ROBO2: variants seen among roughly 807,000 people sequenced by gnomAD.
ROBO2 encodes roundabout guidance receptor 2.
A neutral mutation model predicts 160.8 loss-of-function variants in ROBO2; 53 were observed. The observed-to-expected ratio is 0.33, with a 90% CI of 0.26 to 0.41. ROBO2 has a LOEUF of 0.41. Ranked by LOEUF, ROBO2 falls within the 10% of genes least tolerant of loss-of-function variation. The pLI is 1.00. For synonymous variants in ROBO2, 664 were observed against 611.7 expected, an observed-to-expected ratio of 1.09 and a Z score of -1.26; for missense variants, 1,577 against 1,722.4, an observed-to-expected ratio of 0.92 and a Z score of 1.49.
chr3:76,611,877 C>CT (rs1160089009), intron 2 of ROBO2, among the ~76,000 whole-genome samples: 2 of 152,068 alleles, frequency 1.3e-5, no homozygotes, highest in Admixed American at 1.3e-4. Context: ...AGTTTATCCA[C>CT]TTTTTTTGAG....
intron 2 of ROBO2, among the ~76,000 whole-genome samples, chr3:76,867,687 T>A (rs1166970): frequency 0.25 from 38,108 of 152,152 alleles, 5,955 homozygotes; most frequent in Non-Finnish European, 0.35. Flanking sequence ...TAGAAAGATT[T>A]TCTAAAAATA....
chr3:77,374,333 AAAT>A (rs562797945), intron 2 of ROBO2, among the ~76,000 whole-genome samples: 43 of 152,234 alleles, frequency 2.8e-4, no homozygotes, highest in African/African-American at 9.1e-4. Context: ...GTCAAGAATG[AAAT>A]AATAAGTTGA....
At chr3:77,562,332 G>T (rs1030576651) in intron 9 of ROBO2, among the ~76,000 whole-genome samples, 1 of 151,990 alleles carries the variant, frequency 6.6e-6, no homozygotes, top group Non-Finnish European at 1.5e-5. Flanking sequence ...ATATAGTAGA[G>T]CCCTGCCATA....
chr3:76,407,678 C>G (rs1390184551), intron 2 of ROBO2, among the ~76,000 whole-genome samples: 1 of 151,928 alleles, frequency 6.6e-6, no homozygotes, highest in Non-Finnish European at 1.5e-5. Context: ...GGGTAATAAT[C>G]TTTGTTATCT....
At chr3:75,923,226 G>C (rs1947143607) in intron 1 of ROBO2, among the ~76,000 whole-genome samples, 1 of 152,120 alleles carries the variant, frequency 6.6e-6, no homozygotes. Context: ...TTGTTTAAGT[G>C]TGAAAAGTAT....
intron 2 of ROBO2, among the ~76,000 whole-genome samples, chr3:77,380,458 A>C (rs2073290404): frequency 6.6e-6 from 1 of 152,208 alleles, no homozygotes; most frequent in Non-Finnish European, 1.5e-5. Flanking sequence ...CGTCATGTTA[A>C]AACATTTTTG....
At chr3:77,117,848 T>C (rs572357149) in intron 2 of ROBO2, among the ~76,000 whole-genome samples, 188 of 152,302 alleles carry the variant, frequency 1.2e-3, no homozygotes, top group Middle Eastern at 6.8e-3. Context: ...TGTGCTGTCA[T>C]AAAAATATTT....
intron 2 of ROBO2, among the ~76,000 whole-genome samples, chr3:76,753,141 T>C (rs568926494): frequency 2.6e-5 from 4 of 151,906 alleles, no homozygotes; most frequent in African/African-American, 9.7e-5. Context: ...AACACTGTGC[T>C]GAAGTTAGGT....
intron 2 of ROBO2, among the ~76,000 whole-genome samples, chr3:75,945,566 A>G (rs1042796799): frequency 6.6e-6 from 1 of 150,570 alleles, no homozygotes; most frequent in African/African-American, 2.5e-5. Context: ...TGAAGACTCA[A>G]TAATTTTGCT....
chr3:76,321,387 C>A (rs1389438486), intron 2 of ROBO2, among the ~76,000 whole-genome samples: 1 of 151,982 alleles, frequency 6.6e-6, no homozygotes, highest in African/African-American at 2.4e-5. Flanking sequence ...TGGTGGCGCG[C>A]CACTGCTCAG....
chr3:77,468,552 C>A (rs1456664299), intron 2 of ROBO2, among the ~76,000 whole-genome samples: 1 of 152,122 alleles, frequency 6.6e-6, no homozygotes. Context: ...AGCAGGACTT[C>A]AAATTATATT....
At chr3:76,783,514 CTT>C (rs71717480) in intron 2 of ROBO2, among the ~76,000 whole-genome samples, 4 of 139,832 alleles carry the variant, frequency 2.9e-5, no homozygotes, top group African/African-American at 5.2e-5. Context: ...TAGTTTCTTT[CTT>C]TTTTTTTTTT....
intron 2 of ROBO2, among the ~76,000 whole-genome samples, chr3:76,233,185 C>A (rs1474507628): frequency 6.6e-6 from 1 of 151,848 alleles, no homozygotes; most frequent in African/African-American, 2.4e-5. Context: ...ACTCTTGTCT[C>A]CCCGGATAGA....
At chr3:76,214,255 C>G (rs1421642796) in intron 2 of ROBO2, among the ~76,000 whole-genome samples, 1 of 152,168 alleles carries the variant, frequency 6.6e-6, no homozygotes, top group East Asian at 1.9e-4. Context: ...AGAAAAGAAG[C>G]TAAAGTCCTA....
intron 2 of ROBO2, among the ~76,000 whole-genome samples, chr3:76,960,135 A>ATTTGACACTTCTCATCAG (rs1284195880): frequency 6.6e-6 from 1 of 152,074 alleles, no homozygotes; most frequent in African/African-American, 2.4e-5. Context: ...TTTCTCATCA[A>ATTTGACACTTCTCATCAG]TTTGACACTC....
chr3:76,346,664 T>C (rs1490596486), intron 2 of ROBO2, among the ~76,000 whole-genome samples: 1 of 152,150 alleles, frequency 6.6e-6, no homozygotes. Flanking sequence ...CACACATTCA[T>C]TCATTCATGT....
intron 2 of ROBO2, among the ~76,000 whole-genome samples, chr3:76,575,428 C>G (rs1245453458): frequency 6.6e-6 from 1 of 151,836 alleles, no homozygotes; most frequent in Non-Finnish European, 1.5e-5. Flanking sequence ...AACAACTGAC[C>G]ATGTAATTTC....
At chr3:76,913,593 T>A (rs1269761659) in intron 2 of ROBO2, among the ~76,000 whole-genome samples, 1 of 152,212 alleles carries the variant, frequency 6.6e-6, no homozygotes, top group African/African-American at 2.4e-5. Flanking sequence ...AAGATTTTTT[T>A]AAGACAAATT....
At chr3:76,193,010 TTCTCAGTAGCATTTAAC>T (rs1702086600) in intron 2 of ROBO2, among the ~76,000 whole-genome samples, 1 of 152,184 alleles carries the variant, frequency 6.6e-6, no homozygotes, top group African/African-American at 2.4e-5. Flanking sequence ...TTTACTTGAC[TTCTCAGTAGCATTTAAC>T]ACTGAGGGTC....
Sources: gnomAD v4.1 joint callset for allele counts (sites outside exome capture counted in the v4.1 genomes callset) on GRCh38, gnomAD v4.1.1 for gene constraint, MANE v1.5 for transcripts, NCBI Gene and HGNC (gene_info 2026-07-23, HGNC 2026-07-21) for gene names.